DHRS11: variants seen among roughly 807,000 people sequenced by gnomAD.
The protein encoded by DHRS11 is dehydrogenase/reductase SDR family member 11.
Under a neutral mutation model 30.7 loss-of-function variants are expected in DHRS11, and 18 were observed. That is an observed-to-expected ratio of 0.59 (90% CI 0.41 to 0.87). DHRS11 has a LOEUF of 0.87. Ranked by LOEUF, DHRS11 falls within the 40% of genes least tolerant of loss-of-function variation. The pLI, the probability that DHRS11 is intolerant of heterozygous loss-of-function variation, is 0.00. For missense variants in DHRS11, 300 were observed against 349.0 expected (o/e 0.86, Z 1.12); for synonymous variants, 123 against 139.6 (o/e 0.88, Z 0.84).
intron 2 of DHRS11, among the ~76,000 whole-genome samples, chr17:36,595,453 T>C (rs1422339168): frequency 7.0e-6 from 1 of 143,682 alleles, no homozygotes; most frequent in East Asian, 2.2e-4. Flanking sequence ...AGAGTCTTGC[T>C]TTGTCACCCA....
At position 36,592,221 on chromosome 17, in the gene DHRS11, C is replaced by T; in HGVS notation, c.147+65C>T. On this transcript the variant is annotated intron_variant, in intron 1 of 6. Coordinates refer to ENST00000618403, the MANE Select transcript of DHRS11 (RefSeq NM_024308.4). The surrounding 1 kb of genome is among the most constrained non-coding windows in gnomAD (Gnocchi z 4.4). The stretch of plus-strand genomic sequence containing the variant: ...GTTTCCCCGGAGTCGGGTTCACCTG[C>T]CCGCCACGCCGGGGCCCTTTGCTCT... 8.1e-7 allele frequency: 1 copy of T among 1,232,600 alleles called. No homozygotes were observed. The highest frequency in any genetic ancestry group is 1.0e-6 in the Non-Finnish European group (1 of 987,250). 76.4% of individuals were successfully genotyped at this position (1,232,600 alleles called of 1,614,324 possible).
chr17:36,599,834 A>C, intron 5 of DHRS11, 71 bp downstream of exon 5: 1 of 1,600,516 alleles, frequency 6.2e-7, no homozygotes, highest in East Asian at 2.2e-5. Flanking sequence ...CTCGGCCTTC[A>C]GACTCCACTC....
At chr17:36,599,150 A>G (rs917579735) in intron 4 of DHRS11, 100 bp downstream of exon 4, 1 of 1,476,892 alleles carries the variant, frequency 6.8e-7, no homozygotes. Flanking sequence ...TGCCGCTCAG[A>G]GCTCCTGGGA....
At chr17:36,599,128 A>T in intron 4 of DHRS11, 78 bp downstream of exon 4, 1 of 1,527,502 alleles carries the variant, frequency 6.5e-7, no homozygotes. Flanking sequence ...CAGGAAGCCC[A>T]TGTTCAGAAT....
chr17:36,597,802 G>T (rs2074823002), intron 2 of DHRS11: 1 of 359,914 alleles, frequency 2.8e-6, no homozygotes, highest in African/African-American at 2.2e-5. Context: ...TTTGGGGGAA[G>T]AAATGGAAAT....
intron 1 of DHRS11, 160 bp from the exon 2 acceptor site, chr17:36,594,811 G>A (rs1267312007): frequency 1.5e-6 from 1 of 681,512 alleles, no homozygotes; most frequent in Non-Finnish European, 2.5e-6. Context: ...GACCAAAGAG[G>A]ACAGACTTAG....
In DHRS11 at chr17:36,599,062, G is replaced by T. The variant is rs2074835020; in HGVS notation, c.582+12G>T. The T allele has an allele frequency of 6.2e-7, 1 of 1,609,856 alleles. No individual in the cohort carries two copies. On this transcript the variant is annotated intron_variant, in intron 4 of 6. Transcript: ENST00000618403. The stretch of plus-strand genomic sequence containing the variant: ...ACATCCGAGCCACGGTGAGGCTGTG[G>T]CCTAGCCCTGGTGGGCACAGGGTGG...
At position 36,592,021 on chromosome 17, in the gene DHRS11, C is replaced by G. The variant is rs1011070389; in HGVS notation, c.12C>G (p.Pro4=). ...GGCGGCGTGGGCCCATGGCCAGGCC[C>G]GGCATGGAGCGGTGGCGCGACCGGC... MAR[P]GMERWRDRLA... Residue 4 remains proline, a synonymous_variant, in exon 1 of 7, where the codon CCC becomes CCG. Transcript: ENST00000618403. The surrounding 1 kb of genome is among the most constrained non-coding windows in gnomAD (Gnocchi z 4.4). 40 of 1,228,980 alleles carry G rather than the reference C, an allele frequency of 3.3e-5. No homozygotes were observed. The highest frequency in any genetic ancestry group is 3.8e-5 in the Non-Finnish European group (37 of 985,858). The allele number at this position is 1,228,980 out of a possible 1,614,324, so 76.1% of individuals were successfully genotyped here. A position where few individuals can be genotyped will look rare whatever the true frequency, so the allele number is the denominator to read the frequency against.
intron 3 of DHRS11, 174 bp downstream of exon 3, chr17:36,598,431 G>T: frequency 1.5e-6 from 1 of 657,812 alleles, no homozygotes; most frequent in African/African-American, 1.8e-5. Context: ...GCCCCTGGTT[G>T]GCTGGAATGG....
At position 36,599,777 on chromosome 17, in the gene DHRS11, C is replaced by T; in HGVS notation, c.675+14C>T. ...GAGCAAATGAAGGTGGGGCCTCCCT[C>T]TGAGCCTGGTGAAGCCACTGACTCC... On this transcript the variant is annotated intron_variant, in intron 5 of 6. Coordinates refer to ENST00000618403, the MANE Select transcript of DHRS11 (RefSeq NM_024308.4). 1 of 1,614,104 alleles carries T rather than the reference C, an allele frequency of 6.2e-7. No homozygotes were observed. The highest frequency in any genetic ancestry group is 8.5e-7 in the Non-Finnish European group (1 of 1,179,966).
chr17:36,596,854 G>A, intron 2 of DHRS11: 3 of 470,864 alleles, frequency 6.4e-6, no homozygotes. Flanking sequence ...CAGATGCTTG[G>A]GCCTGGAAAT....
Position 36,594,995 on chromosome 17 carries a change from G to T in DHRS11, c.172G>T (p.Ala58Ser). 1 of 1,614,210 alleles carries T rather than the reference G, an allele frequency of 6.2e-7. No homozygotes were observed. The highest frequency in any genetic ancestry group is 8.5e-7 in the Non-Finnish European group (1 of 1,180,040). ...IEELAAECKS[A>S]GYPGTLIPYR... ...GGAGCTGGCTGCTGAATGTAAGAGT[G>T]CAGGCTACCCCGGGACTTTGATCCC... Residue 58 changes from alanine to serine, a missense_variant, in exon 2 of 7, where the codon GCA becomes TCA. Coordinates refer to ENST00000618403, the MANE Select transcript of DHRS11 (RefSeq NM_024308.4).
At position 36,595,410 on chromosome 17, in the gene DHRS11, CTTTTTTTTTTT is replaced by C. The variant is rs34424724; in HGVS notation, c.357+247_357+257del. On this transcript the variant is annotated intron_variant, in intron 2 of 6. Transcript: ENST00000618403. ...CTTCTTTGAGCCCCTGGAGGTAGTT[CTTTTTTTTTTT>C]TTTTTTTTTTTTTTTTGAGATAGAG... 2.5e-3 allele frequency among the ~76,000 whole-genome samples: 127 copies of C among 51,648 alleles called. 2 individuals carry two copies. Among genetic ancestry groups the C allele is most frequent in the South Asian group, 2.9e-3 (3 of 1,034 alleles). The allele number at this position is 51,648 out of a possible 152,430, so 33.9% of individuals were successfully genotyped here.
rs201862757 is a variant in DHRS11, at chr17:36,599,716, C to T, written c.628C>T (p.His210Tyr). The T allele has an allele frequency of 5.0e-6, 8 of 1,614,052 alleles. 1 individual carries two copies. The South Asian group carries it at 8.8e-5, about 18-fold the overall frequency. Reference protein sequence around the residue: ...VVETQFAFKLHDKDPEKAAAT... With the variant: ...VVETQFAFKLYDKDPEKAAAT... ...GGAGACACAATTCGCCTTCAAACTC[C>T]ACGACAAGGACCCTGAGAAGGCAGC... is the stretch of plus-strand genomic sequence containing the variant. The change falls in exon 5 of 7, where the codon CAC (histidine) becomes TAC (tyrosine). Residue 210 changes from histidine to tyrosine, a missense_variant. By Grantham distance (83) the His-to-Tyr change is moderately conservative. Transcript: ENST00000618403.
intron 1 of DHRS11, among the ~76,000 whole-genome samples, chr17:36,593,353 A>G (rs2074783897): frequency 6.6e-6 from 1 of 152,012 alleles, no homozygotes; most frequent in East Asian, 1.9e-4. Context: ...TACTGAGGGG[A>G]GGTAGGGAGA....
chr17:36,600,243 G>A lies in DHRS11; in HGVS notation c.*40G>A. On this transcript the variant is annotated 3_prime_UTR_variant, in exon 7 of 7. Coordinates refer to ENST00000618403, the MANE Select transcript of DHRS11 (RefSeq NM_024308.4). ...CCTCCTTCCCTCCCCACCCTTCATG[G>A]CTTGCCTCCTGCCTCTGGATTTTAG... 1.2e-6 allele frequency: 2 copies of A among 1,613,320 alleles called. No individual in the cohort carries two copies. Among genetic ancestry groups the A allele is most frequent in the Non-Finnish European group, 8.5e-7 (1 of 1,179,464 alleles).
At chr17:36,598,479 GC>G in intron 3 of DHRS11, 1 of 583,778 alleles carries the variant, frequency 1.7e-6, no homozygotes, top group South Asian at 2.1e-5. Flanking sequence ...GAAGCCTGGG[GC>G]CTCTCCTGGG....
rs1055546899 is a variant in DHRS11, at chr17:36,600,372, T to A, written c.*169T>A. The A allele has an allele frequency of 3.4e-5, 26 of 764,570 alleles. No individual in the cohort carries two copies. The African/African-American group carries it at 4.2e-4, about 12-fold the overall frequency. The allele number at this position is 764,570 out of a possible 1,614,324, so 47.4% of individuals were successfully genotyped here. A position where few individuals can be genotyped will look rare whatever the true frequency, so the allele number is the denominator to read the frequency against. On this transcript the variant is annotated 3_prime_UTR_variant, in exon 7 of 7. Transcript: ENST00000618403. Reference sequence around the variant, plus strand: ...ATATCATCTTGTCAAATTGCTTCAGTTGTAAATGTGAAAAATGGGCTGGGG... The same window carrying A: ...ATATCATCTTGTCAAATTGCTTCAGATGTAAATGTGAAAAATGGGCTGGGG...
intron 4 of DHRS11, 172 bp downstream of exon 4, chr17:36,599,222 T>G: frequency 9.5e-7 from 1 of 1,053,910 alleles, no homozygotes; most frequent in South Asian, 1.8e-5. Flanking sequence ...GCCCTTCATT[T>G]CCTCATTTCA....
Sources: allele counts gnomAD v4.1 joint callset (sites outside exome capture counted in the v4.1 genomes callset), GRCh38; gene constraint gnomAD v4.1.1; non-coding constraint Gnocchi (gnomAD v3.1); transcripts MANE v1.5; gene names NCBI Gene and HGNC (gene_info 2026-07-23, HGNC 2026-07-21).